TENT5C: variants seen among roughly 807,000 people sequenced by gnomAD.
TENT5C encodes terminal nucleotidyltransferase 5C.
Under a neutral mutation model 22.2 loss-of-function variants are expected in TENT5C, and 5 were observed. The ratio of observed to expected loss-of-function variants is 0.22; its 90% CI spans 0.12 to 0.47. The LOEUF (loss-of-function observed/expected upper bound fraction) is 0.47. Among genes scored for constraint, TENT5C ranks in the 20% least tolerant of loss-of-function variants. The pLI is 0.99. For synonymous variants in TENT5C, 199 were observed against 195.4 expected, an observed-to-expected ratio of 1.02 and a Z score of -0.15; for missense variants, 364 against 500.9, an observed-to-expected ratio of 0.73 and a Z score of 2.61.
intron 1 of TENT5C, among the ~76,000 whole-genome samples, chr1:117,621,908 T>C (rs1653902484): frequency 6.6e-6 from 1 of 152,218 alleles, no homozygotes; most frequent in African/African-American, 2.4e-5. Flanking sequence ...TTGGGAAACT[T>C]TGTGGTCCTA....
chr1:117,608,818 T>G lies in TENT5C; in HGVS notation c.-28+2665T>G, dbSNP rs141460923. The stretch of plus-strand genomic sequence containing the variant: ...AAGTCGTGGAAGCCCAAAACTAGTT[T>G]CATGAGTTAAGCTAAACTTATGTTT... On this transcript the variant is annotated intron_variant, in intron 1 of 1. Coordinates refer to ENST00000369448, the MANE Select transcript of TENT5C (RefSeq NM_017709.4). 4.6e-5 allele frequency among the ~76,000 whole-genome samples: 7 copies of G among 152,068 alleles called. No homozygotes were observed. In the East Asian group the frequency reaches 1.4e-3, roughly 29 times the overall value.
In TENT5C at chr1:117,625,603, G is replaced by A. The variant is rs765177038; in HGVS notation, c.*1559G>A. The stretch of plus-strand genomic sequence containing the variant: ...TCTAAAGTGATTTAATCAAATTCAT[G>A]CTCCTGATCTTTTTTTTCCCCCTTC... On this transcript the variant is annotated 3_prime_UTR_variant, in exon 2 of 2. Transcript: ENST00000369448. 2.8e-5 allele frequency: 7 copies of A among 247,942 alleles called. No individual in the cohort carries two copies. The highest frequency in any genetic ancestry group is 1.2e-3 in the Middle Eastern group (1 of 810). 15.4% of individuals were successfully genotyped at this position (247,942 alleles called of 1,614,324 possible). A position where few individuals can be genotyped will look rare whatever the true frequency, so the allele number is the denominator to read the frequency against.
At position 117,624,206 on chromosome 1, in the gene TENT5C, C is replaced by A; in HGVS notation, c.*162C>A. 2 of 641,866 alleles carry A rather than the reference C, an allele frequency of 3.1e-6. No individual in the cohort carries two copies. The highest frequency in any genetic ancestry group is 5.3e-6 in the Non-Finnish European group (2 of 376,756). The allele number at this position is 641,866 out of a possible 1,614,324, so 39.8% of individuals were successfully genotyped here. On this transcript the variant is annotated 3_prime_UTR_variant, in exon 2 of 2. Transcript: ENST00000369448. ...CCTTTGTGTACCCATTGGAATGGGT[C>A]TACAGTGTATCATGAGCCAACCCTC... is the stretch of plus-strand genomic sequence containing the variant.
intron 1 of TENT5C, among the ~76,000 whole-genome samples, chr1:117,617,168 ATC>A (rs201661617): frequency 0.079 from 11,913 of 151,698 alleles, 506 homozygotes; most frequent in African/African-American, 0.11. Flanking sequence ...TAGTCCAGAG[ATC>A]TAGATAAGCT....
Position 117,623,234 on chromosome 1 carries a change from G to A in TENT5C, c.366G>A (p.Glu122=). The A allele has an allele frequency of 6.2e-7, 1 of 1,614,180 alleles. No homozygotes were observed. The stretch of plus-strand genomic sequence containing the variant: ...GTTCCCTTCTGAACTTCCTGCCAGA[G>A]GGTGTGAACAAGCTCAAAATCAGTC... ...VLCSLLNFLP[E]GVNKLKISPV... is the part of the protein sequence containing the mutation. Residue 122 remains glutamate (E), a synonymous_variant, in exon 2 of 2, where the codon GAG becomes GAA. Transcript: ENST00000369448.
rs1653951252 is a variant in TENT5C at position 117,623,848 on chromosome 1, G to A, written c.980G>A (p.Arg327Lys). Reference protein sequence around the residue: ...STVCLMGHERRQTLNLISLLA... With the variant: ...STVCLMGHERKQTLNLISLLA... ...GTGTGTCTCATGGGGCATGAACGCA[G>A]GCAGACTCTGAACCTCATCTCCCTC... The change falls in exon 2 of 2, where the codon AGG becomes AAG. Residue 327 changes from arginine (R) to lysine (K), a missense_variant. This residue lies in a region of TENT5C where 7 missense variants were observed against 29.9 expected (regional missense o/e 0.23). Coordinates refer to ENST00000369448, the MANE Select transcript of TENT5C (RefSeq NM_017709.4). 1 of 1,614,158 alleles carries A rather than the reference G, an allele frequency of 6.2e-7. No individual in the cohort carries two copies. Among genetic ancestry groups the A allele is most frequent in the African/African-American group, 1.3e-5 (1 of 75,030 alleles).
intron 1 of TENT5C, among the ~76,000 whole-genome samples, chr1:117,617,970 T>G (rs1653821757): frequency 6.6e-6 from 1 of 152,266 alleles, no homozygotes; most frequent in Admixed American, 6.5e-5. Flanking sequence ...TTTTATGCTC[T>G]TCCAATGAGC....
chr1:117,614,957 C>T (rs1444754203), intron 1 of TENT5C, among the ~76,000 whole-genome samples: 1 of 152,118 alleles, frequency 6.6e-6, no homozygotes, highest in Non-Finnish European at 1.5e-5. Flanking sequence ...GATCCTAGGC[C>T]TTCATCTCCC....
intron 1 of TENT5C, among the ~76,000 whole-genome samples, chr1:117,611,808 C>G (rs141241371): frequency 6.6e-6 from 1 of 152,132 alleles, no homozygotes; most frequent in Non-Finnish European, 1.5e-5. Context: ...CATCGAACCA[C>G]GGCACTGCAG....
chr1:117,606,911 G>A (rs541548095), intron 1 of TENT5C, among the ~76,000 whole-genome samples: 2 of 152,292 alleles, frequency 1.3e-5, no homozygotes, highest in Admixed American at 1.3e-4. Flanking sequence ...TGTGAAACCT[G>A]CTTCCTCTCC....
In TENT5C at chr1:117,624,801, T is replaced by A. The variant is rs541296671; in HGVS notation, c.*757T>A. The stretch of plus-strand genomic sequence containing the variant: ...GTGGAACATAATGTTTAATTAGAAT[T>A]GTGGTGGTGGTAGTGGAAGGGGATA... On this transcript the variant is annotated 3_prime_UTR_variant, in exon 2 of 2. Coordinates refer to ENST00000369448, the MANE Select transcript of TENT5C (RefSeq NM_017709.4). 2.5e-4 allele frequency: 63 copies of A among 248,020 alleles called. No homozygotes were observed. Among genetic ancestry groups the A allele is most frequent in the African/African-American group, 1.3e-3 (59 of 45,488 alleles). The allele number at this position is 248,020 out of a possible 1,614,324, so 15.4% of individuals were successfully genotyped here. A position where few individuals can be genotyped will look rare whatever the true frequency, so the allele number is the denominator to read the frequency against.
At chr1:117,622,821 C>A in intron 1 of TENT5C, 21 bp from the exon 2 acceptor site, 1 of 1,548,420 alleles carries the variant, frequency 6.5e-7, no homozygotes, top group Non-Finnish European at 8.9e-7. Context: ...CCTAACTCTG[C>A]TTCTCACCCC....
intron 1 of TENT5C, among the ~76,000 whole-genome samples, chr1:117,622,166 G>A (rs957947750): frequency 6.6e-6 from 1 of 152,164 alleles, no homozygotes; most frequent in Non-Finnish European, 1.5e-5. Context: ...ACAAGTACTT[G>A]TTAGGATAGA....
intron 1 of TENT5C, among the ~76,000 whole-genome samples, chr1:117,610,206 G>A (rs188805089): frequency 1.2e-3 from 176 of 152,172 alleles, no homozygotes; most frequent in Non-Finnish European, 2.1e-4. Context: ...CGCCTCCCCT[G>A]CCTCTGGCTA....
At chr1:117,616,962 T>G (rs1653792306) in intron 1 of TENT5C, among the ~76,000 whole-genome samples, 1 of 152,204 alleles carries the variant, frequency 6.6e-6, no homozygotes, top group Non-Finnish European at 1.5e-5. Context: ...TCTCCACACA[T>G]ACTAAGAACC....
At chr1:117,610,185 G>T (rs1045442670) in intron 1 of TENT5C, among the ~76,000 whole-genome samples, 20 of 152,144 alleles carry the variant, frequency 1.3e-4, no homozygotes, top group African/African-American at 4.6e-4. Context: ...GATGAGGGCA[G>T]TAAGTGAGTC....
intron 1 of TENT5C, among the ~76,000 whole-genome samples, chr1:117,619,639 T>G (rs1653853618): frequency 1.3e-5 from 2 of 152,200 alleles, no homozygotes; most frequent in African/African-American, 4.8e-5. Flanking sequence ...CATTTCCACC[T>G]CAGTACTCTT....
chr1:117,623,491 C>A lies in TENT5C; in HGVS notation c.623C>A (p.Pro208His). Residue 208 changes from proline to histidine, a missense_variant, in exon 2 of 2, where the codon CCC (proline) becomes CAC (histidine). Pro to His is a moderately conservative substitution (Grantham distance 77, BLOSUM62 -2). This residue lies in a region of TENT5C where 303 missense variants were observed against 394.5 expected (regional missense o/e 0.77). Transcript: ENST00000369448. ...AATCCCATCTCTGAGCACTTCCACC[C>A]CACCGTGATTGGGGAGAGCATGTAC... The part of the protein sequence containing the change: ...SNNPISEHFH[P>H]TVIGESMYGD... 6.2e-7 allele frequency: 1 copy of A among 1,614,096 alleles called. No individual in the cohort carries two copies. Among genetic ancestry groups the A allele is most frequent in the Non-Finnish European group, 8.5e-7 (1 of 1,180,012 alleles).
rs1193260216 is a variant in TENT5C at position 117,627,113 on chromosome 1, C to G, written c.*3069C>G. The G allele has an allele frequency of 1.2e-5, 3 of 248,028 alleles. No individual in the cohort carries two copies. The highest frequency in any genetic ancestry group is 5.6e-5 in the Admixed American group (1 of 17,786). The allele number at this position is 248,028 out of a possible 1,614,324, so 15.4% of individuals were successfully genotyped here. ...GTGGGATGGCCCACACCTGGGGGAC[C>G]TGGCAGATGGGGTGAGTTGGGTAAG... On this transcript the variant is annotated 3_prime_UTR_variant, in exon 2 of 2. Coordinates refer to ENST00000369448, the MANE Select transcript of TENT5C (RefSeq NM_017709.4).
Sources: allele counts gnomAD v4.1 joint callset (sites outside exome capture counted in the v4.1 genomes callset), GRCh38; gene constraint gnomAD v4.1.1; regional missense constraint gnomAD v4.1.1; transcripts MANE v1.5; gene names NCBI Gene and HGNC (gene_info 2026-07-23, HGNC 2026-07-21).